TUBA4B: variants seen among roughly 807,000 people sequenced by gnomAD.
The protein encoded by TUBA4B is tubulin alpha 4b, also known as tubulin-like protein alpha-4B.
Under a neutral mutation model 18.4 loss-of-function variants are expected in TUBA4B, and 13 were observed. The ratio of observed to expected loss-of-function variants is 0.71; its 90% CI spans 0.46 to 1.12. The LOEUF is 1.12. Ranked by LOEUF, TUBA4B falls within the 50% of genes most tolerant of loss-of-function variation. TUBA4B has a pLI of 0.00. For missense variants in TUBA4B, 244 were observed against 250.0 expected (o/e 0.98, Z 0.16); for synonymous variants, 101 against 99.1 (o/e 1.02, Z -0.11).
chr2:219,253,298 G>A lies in TUBA4B; in HGVS notation c.-110G>A, dbSNP rs970551511. ...GCTGGAGAGGGCCAGCTCGCTTCAGGAGGCCGAACCCCGTTCCCACCAACC... is the reference window on the plus strand; with the variant it reads ...GCTGGAGAGGGCCAGCTCGCTTCAGAAGGCCGAACCCCGTTCCCACCAACC... On this transcript the variant is annotated 5_prime_UTR_variant, in exon 1 of 4. Coordinates refer to ENST00000490341, the MANE Select transcript of TUBA4B (RefSeq NM_001355221.1). 6.6e-7 allele frequency: 1 copy of A among 1,512,932 alleles called. No individual in the cohort carries two copies. The highest frequency in any genetic ancestry group is 1.4e-5 in the African/African-American group (1 of 71,340). The allele number at this position is 1,512,932 out of a possible 1,614,324, so 93.7% of individuals were successfully genotyped here.
chr2:219,264,084 C>T (rs1474651916), intron 1 of TUBA4B, among the ~76,000 whole-genome samples: 1 of 152,220 alleles, frequency 6.6e-6, no homozygotes, highest in Admixed American at 6.5e-5. Flanking sequence ...GCGGATAGTA[C>T]TGAACCTTAT....
intron 1 of TUBA4B, among the ~76,000 whole-genome samples, chr2:219,262,858 T>G (rs1951767841): frequency 6.6e-6 from 1 of 151,806 alleles, no homozygotes; most frequent in Non-Finnish European, 1.5e-5. Flanking sequence ...CTGACCAACA[T>G]GATGAAACCC....
rs532218261 is a variant in TUBA4B, at chr2:219,270,306, G to A, written c.163G>A (p.Asp55Asn). ...CTACACCATTGGGAAGGAGTTCATC[G>A]ACCTGCTACTGGACCGGATTCGGAA... ...GHYTIGKEFI[D>N]LLLDRIRKLA... Residue 55 changes from aspartate to asparagine, a missense_variant, in exon 3 of 4, where the codon GAC (aspartate) becomes AAC (asparagine). Coordinates refer to ENST00000490341, the MANE Select transcript of TUBA4B (RefSeq NM_001355221.1). 5.3e-5 allele frequency: 40 copies of A among 753,278 alleles called. No homozygotes were observed. Among genetic ancestry groups the A allele is most frequent in the South Asian group, 2.8e-5 (2 of 71,670 alleles). The allele number at this position is 753,278 out of a possible 1,614,324, so 46.7% of individuals were successfully genotyped here.
chr2:219,253,838 C>A, intron 1 of TUBA4B: 1 of 1,512,372 alleles, frequency 6.6e-7, no homozygotes, highest in Non-Finnish European at 8.8e-7. Flanking sequence ...GGCGCGACCC[C>A]GGCCGGGCCG....
chr2:219,266,622 C>T (rs527889280), intron 2 of TUBA4B, 56 bp downstream of exon 2: 4 of 700,584 alleles, frequency 5.7e-6, no homozygotes, highest in African/African-American at 3.5e-5. Flanking sequence ...CCCAGTGGGC[C>T]CAAGATATCT....
At position 219,272,128 on chromosome 2, in the gene TUBA4B, TA is replaced by T. The variant is rs748043681; in HGVS notation, c.*430del. 1.1e-4 allele frequency: 77 copies of T among 670,960 alleles called. No individual in the cohort carries two copies. Among genetic ancestry groups the T allele is most frequent in the Admixed American group, 1.6e-4 (7 of 44,376 alleles). 41.6% of individuals were successfully genotyped at this position (670,960 alleles called of 1,614,324 possible). ...AGTGTGGAGTGGGGGGAAGAAAAGATAGGGGGGATGAATACTAGGGGAATAC... is the reference window on the plus strand; with the variant it reads ...AGTGTGGAGTGGGGGGAAGAAAAGATGGGGGGATGAATACTAGGGGAATAC... On this transcript the variant is annotated 3_prime_UTR_variant, in exon 4 of 4. Transcript: ENST00000490341.
intron 1 of TUBA4B, among the ~76,000 whole-genome samples, chr2:219,255,357 G>A (rs576330353): frequency 9.6e-4 from 146 of 152,340 alleles, no homozygotes; most frequent in Admixed American, 3.1e-3. Context: ...TCCTGCCTCA[G>A]CCTCTGGAGT....
Position 219,270,184 on chromosome 2 carries a change from C to T in TUBA4B, c.59-18C>T. 1.4e-6 allele frequency: 1 copy of T among 727,006 alleles called. No individual in the cohort carries two copies. Among genetic ancestry groups the T allele is most frequent in the Non-Finnish European group, 2.5e-6 (1 of 394,704 alleles). 45.0% of individuals were successfully genotyped at this position (727,006 alleles called of 1,614,324 possible). A position where few individuals can be genotyped will look rare whatever the true frequency, so the allele number is the denominator to read the frequency against. ...GTGGGGCCCAAAACTCTGCCCACTGCAGATGAACTTTGAACAGGCACATAC... is the reference window on the plus strand; with the variant it reads ...GTGGGGCCCAAAACTCTGCCCACTGTAGATGAACTTTGAACAGGCACATAC... On this transcript the variant is annotated intron_variant, in intron 2 of 3. Coordinates refer to ENST00000490341, the MANE Select transcript of TUBA4B (RefSeq NM_001355221.1).
chr2:219,267,581 G>GTT (rs1329718937), intron 2 of TUBA4B, among the ~76,000 whole-genome samples: 132 of 142,506 alleles, frequency 9.3e-4, no homozygotes, highest in African/African-American at 2.7e-3. Context: ...TCTTTTTTTT[G>GTT]TTTTTTTTTT....
rs1469729224 is a variant in TUBA4B at position 219,270,199 on chromosome 2, C to T, written c.59-3C>T. The T allele has an allele frequency of 1.3e-6, 1 of 743,640 alleles. No homozygotes were observed. The highest frequency in any genetic ancestry group is 2.5e-6 in the Non-Finnish European group (1 of 402,638). The allele number at this position is 743,640 out of a possible 1,614,324, so 46.1% of individuals were successfully genotyped here. On this transcript the variant is annotated splice_polypyrimidine_tract_variant and splice_region_variant and intron_variant, in intron 2 of 3. Transcript: ENST00000490341. ...CTGCCCACTGCAGATGAACTTTGAA[C>T]AGGCACATACCGCCAGATCTTCCAT... is the stretch of plus-strand genomic sequence containing the variant.
chr2:219,261,609 T>C (rs1287792890), intron 1 of TUBA4B, among the ~76,000 whole-genome samples: 3 of 152,182 alleles, frequency 2.0e-5, no homozygotes, highest in Non-Finnish European at 4.4e-5. Context: ...CCTACACTAG[T>C]ATGTCCTTCA....
rs1951830859 is a variant in TUBA4B at position 219,271,998 on chromosome 2, T to C, written c.*299T>C. On this transcript the variant is annotated 3_prime_UTR_variant, in exon 4 of 4. Coordinates refer to ENST00000490341, the MANE Select transcript of TUBA4B (RefSeq NM_001355221.1). ...TGACCTGATGTATGCCAAGAGGGCGTTTGGGCACTGATATGTGGGTGAGGG... is the reference window on the plus strand; with the variant it reads ...TGACCTGATGTATGCCAAGAGGGCGCTTGGGCACTGATATGTGGGTGAGGG... The C allele has an allele frequency of 6.6e-7, 1 of 1,522,282 alleles. No homozygotes were observed. The highest frequency in any genetic ancestry group is 2.3e-5 in the East Asian group (1 of 44,290). The allele number at this position is 1,522,282 out of a possible 1,614,324, so 94.3% of individuals were successfully genotyped here. A position where few individuals can be genotyped will look rare whatever the true frequency, so the allele number is the denominator to read the frequency against.
At position 219,272,046 on chromosome 2, in the gene TUBA4B, A is replaced by G. The variant is rs1454296922; in HGVS notation, c.*347A>G. The G allele has an allele frequency of 1.4e-6, 2 of 1,424,112 alleles. No homozygotes were observed. The highest frequency in any genetic ancestry group is 2.0e-6 in the Non-Finnish European group (2 of 1,014,574). 88.2% of individuals were successfully genotyped at this position (1,424,112 alleles called of 1,614,324 possible). The stretch of plus-strand genomic sequence containing the variant: ...GGGCATGGAGGAGGGTGAGTTCTCC[A>G]AGGCCCATGAGGATATGACTGCCCT... On this transcript the variant is annotated 3_prime_UTR_variant, in exon 4 of 4. Coordinates refer to ENST00000490341, the MANE Select transcript of TUBA4B (RefSeq NM_001355221.1).
chr2:219,258,543 T>A (rs1951739031), intron 1 of TUBA4B, among the ~76,000 whole-genome samples: 1 of 151,824 alleles, frequency 6.6e-6, no homozygotes, highest in African/African-American at 2.4e-5. Flanking sequence ...TTGCCCAGGC[T>A]GGTCTTGAAC....
chr2:219,260,233 G>A (rs1256949536), intron 1 of TUBA4B, among the ~76,000 whole-genome samples: 1 of 151,700 alleles, frequency 6.6e-6, no homozygotes. Context: ...AGGAGCAATT[G>A]TTGAAGCTTG....
At chr2:219,263,055 A>G (rs1422396891) in intron 1 of TUBA4B, among the ~76,000 whole-genome samples, 1 of 152,014 alleles carries the variant, frequency 6.6e-6, no homozygotes, top group Non-Finnish European at 1.5e-5. Flanking sequence ...CCCCCCAAAA[A>G]AGCATAAACT....
At chr2:219,268,393 C>T (rs1951805183) in intron 2 of TUBA4B, among the ~76,000 whole-genome samples, 1 of 152,146 alleles carries the variant, frequency 6.6e-6, no homozygotes, top group South Asian at 2.1e-4. Flanking sequence ...CTGCGCCCAG[C>T]CTCAATTCAT....
At chr2:219,270,472 C>T in intron 3 of TUBA4B, 137 bp downstream of exon 3, 1 of 617,978 alleles carries the variant, frequency 1.6e-6, no homozygotes, top group Non-Finnish European at 2.9e-6. Flanking sequence ...TGAGGAGAGG[C>T]CCTGCACTCT....
In TUBA4B at chr2:219,271,870, A is replaced by G. The variant is rs1951829694; in HGVS notation, c.*171A>G. 1.4e-6 allele frequency: 2 copies of G among 1,475,166 alleles called. No individual in the cohort carries two copies. Among genetic ancestry groups the G allele is most frequent in the South Asian group, 1.1e-5 (1 of 88,200 alleles). The allele number at this position is 1,475,166 out of a possible 1,614,324, so 91.4% of individuals were successfully genotyped here. ...GGTTGATATCAATCACCAGCCTCCC[A>G]CTGTGGTGCCTGGGAGTGACCTGGT... On this transcript the variant is annotated 3_prime_UTR_variant, in exon 4 of 4. Transcript: ENST00000490341.
Sources: gnomAD v4.1 joint callset for allele counts (sites outside exome capture counted in the v4.1 genomes callset) on GRCh38, gnomAD v4.1.1 for gene constraint, MANE v1.5 for transcripts, NCBI Gene and HGNC (gene_info 2026-07-23, HGNC 2026-07-21) for gene names.